Variants in RARS2 observed in about 807,000 individuals in gnomAD.
RARS2 encodes the protein probable arginine--tRNA ligase, mitochondrial.
A neutral mutation model predicts 88.5 loss-of-function variants in RARS2; 67 were observed. The ratio of observed to expected loss-of-function variants is 0.76; its 90% confidence interval spans 0.62 to 0.93. RARS2 has a LOEUF of 0.93. Ranked by LOEUF, RARS2 falls within the 40% of genes least tolerant of loss-of-function variation. The pLI, the probability that RARS2 is intolerant of heterozygous loss-of-function variation, is 0.00. For synonymous variants in RARS2, 239 were observed against 230.3 expected (o/e 1.04, Z -0.34); for missense variants, 664 against 684.2 (o/e 0.97, Z 0.33).
chr6:87,548,448 T>A, intron 6 of RARS2, 143 bp downstream of exon 6: 1 of 754,652 alleles, frequency 1.3e-6, no homozygotes, highest in Non-Finnish European at 2.1e-6. Context: ...TGTCATCCAT[T>A]TCCTGAATTG....
chr6:87,520,447 T>A (rs904038334), intron 12 of RARS2, among the ~76,000 whole-genome samples, 191 bp from the exon 13 acceptor site: 1 of 152,126 alleles, frequency 6.6e-6, no homozygotes, highest in Admixed American at 6.5e-5. Context: ...GGGAGGGAAA[T>A]AAGAGCCATA....
In RARS2 at chr6:87,518,970, C is replaced by A. The variant is rs575650808; in HGVS notation, c.1238-79G>T. The A allele has an allele frequency of 8.3e-5, 111 of 1,332,296 alleles. 2 individuals carry two copies. The South Asian group carries it at 1.2e-3, about 15-fold the overall frequency. 82.5% of individuals were successfully genotyped at this position (1,332,296 alleles called of 1,614,324 possible). A position where few individuals can be genotyped will look rare whatever the true frequency, so the allele number is the denominator to read the frequency against. ...GGATCCAAGTGAAGGTAACATCTGC[C>A]AAAAATGTATGCTGACAATCAAGAA... On this transcript the variant is annotated intron_variant, in intron 14 of 19. Transcript: ENST00000369536.
chr6:87,556,805 A>AAAAAAT (rs1410837169), intron 4 of RARS2, among the ~76,000 whole-genome samples: 1 of 148,986 alleles, frequency 6.7e-6, no homozygotes, highest in African/African-American at 2.5e-5. Context: ...AAAAAAAAAA[A>AAAAAAT]AAAATTTTTT....
rs772875883 is a variant in RARS2 at position 87,518,848 on chromosome 6, G to A, written c.1281C>T (p.Val427=). 4 of 1,614,044 alleles carry A rather than the reference G, an allele frequency of 2.5e-6. No homozygotes were observed. Among genetic ancestry groups the A allele is most frequent in the Non-Finnish European group, 2.5e-6 (3 of 1,179,978 alleles). ...LKNPQETAER[V]GLAALIIQDF... Reference sequence around the variant, plus strand: ...CCTGAATAATGAGTGCTGCGAGCCCGACCCTCTCTGCAGTCTCTTGTGGGT... The same window carrying A: ...CCTGAATAATGAGTGCTGCGAGCCCAACCCTCTCTGCAGTCTCTTGTGGGT... The change falls in exon 15 of 20, where the codon GTC becomes GTT. Residue 427 remains valine (V), a synonymous_variant. Transcript: ENST00000369536.
Position 87,521,476 on chromosome 6 carries a change from T to A in RARS2, c.1023A>T (p.Thr341=), listed in dbSNP as rs1386733697. ...IDRMDKYNFD[T]MIYVTDKGQK... is the part of the protein sequence containing the mutation. ...TCTGATTACTTACCACATATATCAT[T>A]GTATCAAAATTATACTTGTCCATTC... Residue 341 remains threonine (T), a synonymous_variant, in exon 12 of 20, where the codon ACA becomes ACT. Transcript: ENST00000369536. 1 of 1,607,708 alleles carries A rather than the reference T, an allele frequency of 6.2e-7. No homozygotes were observed. The highest frequency in any genetic ancestry group is 2.2e-5 in the East Asian group (1 of 44,758).
rs1321951581 is a variant in RARS2 at position 87,562,691 on chromosome 6, C to T, written c.297+11G>A. Reference sequence around the variant, plus strand: ...TGAAAGCACAATGGCTGGATATTAACTTATTCTTACCTTTGTTAAGAGCTC... The same window carrying T: ...TGAAAGCACAATGGCTGGATATTAATTTATTCTTACCTTTGTTAAGAGCTC... On this transcript the variant is annotated intron_variant, in intron 4 of 19. Coordinates refer to ENST00000369536, the MANE Select transcript of RARS2 (RefSeq NM_020320.5). The T allele has an allele frequency of 6.3e-7, 1 of 1,583,376 alleles. No individual in the cohort carries two copies. The highest frequency in any genetic ancestry group is 2.2e-5 in the East Asian group (1 of 44,716).
At chr6:87,587,717 T>C (rs1775591579) in intron 1 of RARS2, among the ~76,000 whole-genome samples, 1 of 152,222 alleles carries the variant, frequency 6.6e-6, no homozygotes, top group African/African-American at 2.4e-5. Flanking sequence ...TAAATGTGAA[T>C]GTGTAGTAAC....
intron 4 of RARS2, among the ~76,000 whole-genome samples, chr6:87,560,841 T>A (rs1259652648): frequency 6.6e-6 from 1 of 152,130 alleles, no homozygotes; most frequent in Non-Finnish European, 1.5e-5. Flanking sequence ...TAAGCAAAGA[T>A]CGTGCCATTG....
In RARS2 at chr6:87,564,244, C is replaced by T; in HGVS notation, c.111-12G>A. The T allele has an allele frequency of 6.4e-7, 1 of 1,571,374 alleles. No homozygotes were observed. The highest frequency in any genetic ancestry group is 8.8e-7 in the Non-Finnish European group (1 of 1,141,598). Reference sequence around the variant, plus strand: ...AATCAGCTACTTCTCTAAAGACAGACATCGAAACGAGATAGAACTGTTACC... The same window carrying T: ...AATCAGCTACTTCTCTAAAGACAGATATCGAAACGAGATAGAACTGTTACC... On this transcript the variant is annotated splice_polypyrimidine_tract_variant and intron_variant, in intron 2 of 19. Coordinates refer to ENST00000369536, the MANE Select transcript of RARS2 (RefSeq NM_020320.5).
At chr6:87,515,667 A>AATTATCTC (rs11283213) in intron 18 of RARS2, among the ~76,000 whole-genome samples, 3 of 151,750 alleles carry the variant, frequency 2.0e-5, no homozygotes, top group African/African-American at 7.3e-5. Flanking sequence ...GGTAGAAACT[A>AATTATCTC]TCCACTCTCC....
Position 87,518,233 on chromosome 6 carries a change from T to G in RARS2, c.1447A>C (p.Asn483His). 1 of 1,614,148 alleles carries G rather than the reference T, an allele frequency of 6.2e-7. No individual in the cohort carries two copies. The highest frequency in any genetic ancestry group is 8.5e-7 in the Non-Finnish European group (1 of 1,180,002). The change falls in exon 17 of 20, where the codon AAT becomes CAT. Residue 483 changes from asparagine (N) to histidine (H), a missense_variant. Coordinates refer to ENST00000369536, the MANE Select transcript of RARS2 (RefSeq NM_020320.5). The part of the protein sequence containing the change: ...LEETFGCGYL[N>H]DFNTACLQEP... Reference sequence around the variant, plus strand: ...TGTAAACAAGCAGTGTTGAAGTCATTCAGGTACCCACATCCAAAAGTCTCT... The same window carrying G: ...TGTAAACAAGCAGTGTTGAAGTCATGCAGGTACCCACATCCAAAAGTCTCT...
chr6:87,530,766 G>C lies in RARS2; in HGVS notation c.771+18C>G, dbSNP rs755262100. On this transcript the variant is annotated intron_variant, in intron 9 of 19. Transcript: ENST00000369536. ...TGCACTGCATCATGGGAAAGCAGAA[G>C]GGAGGGTCAACCAATACCTTGTAAA... 3 of 1,613,794 alleles carry C rather than the reference G, an allele frequency of 1.9e-6. No individual in the cohort carries two copies. The South Asian group carries it at 3.3e-5, about 18-fold the overall frequency.
chr6:87,562,446 C>T (rs1788131373), intron 4 of RARS2, among the ~76,000 whole-genome samples: 1 of 152,088 alleles, frequency 6.6e-6, no homozygotes, highest in Non-Finnish European at 1.5e-5. Flanking sequence ...TATGAAATGT[C>T]ATTATGTGGT....
chr6:87,545,751 C>T, intron 6 of RARS2, 52 bp from the exon 7 acceptor site: 1 of 1,582,594 alleles, frequency 6.3e-7, no homozygotes, highest in South Asian at 1.1e-5. Flanking sequence ...CATTTTTTGA[C>T]ATAAGAACCA....
intron 6 of RARS2, among the ~76,000 whole-genome samples, chr6:87,547,082 T>G (rs1449697926): frequency 6.6e-6 from 1 of 152,186 alleles, no homozygotes. Context: ...TTAACAGTAT[T>G]TACCAAACTG....
chr6:87,570,164 G>T (rs926952490), intron 1 of RARS2, among the ~76,000 whole-genome samples: 4 of 152,156 alleles, frequency 2.6e-5, no homozygotes, highest in African/African-American at 9.7e-5. Context: ...CGGGGTGGAT[G>T]TGTTATATAC....
intron 1 of RARS2, among the ~76,000 whole-genome samples, chr6:87,588,551 A>T (rs1021970322): frequency 1.6e-4 from 25 of 151,870 alleles, no homozygotes; most frequent in Non-Finnish European, 2.2e-4. Flanking sequence ...TTTAAAAAAA[A>T]TTTTGTTGAG....
At chr6:87,556,757 A>C (rs2128149872) in intron 4 of RARS2, among the ~76,000 whole-genome samples, 2 of 138,268 alleles carry the variant, frequency 1.4e-5, no homozygotes, top group African/African-American at 2.7e-5. Flanking sequence ...GCGCCACTGC[A>C]CTCCAGCCTG....
At chr6:87,557,131 C>T (rs1582661581) in intron 4 of RARS2, among the ~76,000 whole-genome samples, 2 of 152,070 alleles carry the variant, frequency 1.3e-5, no homozygotes, top group South Asian at 4.1e-4. Context: ...TCCTACAGTA[C>T]CCGTTGTCTT....
Sources: allele counts gnomAD v4.1 joint callset (sites outside exome capture counted in the v4.1 genomes callset), GRCh38; gene constraint gnomAD v4.1.1; transcripts MANE v1.5; gene names NCBI Gene and HGNC (gene_info 2026-07-23, HGNC 2026-07-21).